The following SLC6A12 variants were observed in gnomAD, a reference collection of about 807,000 sequenced individuals.
SLC6A12 encodes solute carrier family 6 member 12.
Under a neutral mutation model 73.3 loss-of-function variants are expected in SLC6A12, and 50 were observed. The ratio of observed to expected loss-of-function variants is 0.68; its 90% CI spans 0.54 to 0.86. The LOEUF (loss-of-function observed/expected upper bound fraction) is 0.86. Among genes scored for constraint, SLC6A12 ranks in the 40% least tolerant of loss-of-function variants. The probability of loss-of-function intolerance (pLI) is 0.00; values close to 1 mark genes in which losing one functional copy is unlikely to be tolerated. For missense variants in SLC6A12, 648 were observed against 772.8 expected, an observed-to-expected ratio of 0.84 and a Z score of 1.92; for synonymous variants, 304 against 309.2, an observed-to-expected ratio of 0.98 and a Z score of 0.18.
chr12:199,106 T>C (rs1050712291), intron 7 of SLC6A12, 175 bp from the exon 8 acceptor site: 1 of 358,744 alleles, frequency 2.8e-6, no homozygotes, highest in East Asian at 7.2e-5. Context: ...AGTGGGTCTG[T>C]GCTCCCCCCA....
chr12:198,119 C>G lies in SLC6A12; in HGVS notation c.847-116G>C. The G allele has an allele frequency of 1.3e-6, 1 of 741,028 alleles. No homozygotes were observed. The highest frequency in any genetic ancestry group is 2.3e-6 in the Non-Finnish European group (1 of 434,040). 45.9% of individuals were successfully genotyped at this position (741,028 alleles called of 1,614,324 possible). On this transcript the variant is annotated intron_variant, in intron 8 of 15. Transcript: ENST00000684302. This position sits in a 1 kb window ranked among gnomAD's most constrained non-coding sequence, Gnocchi z 4.0. The stretch of plus-strand genomic sequence containing the variant: ...GCCTGGCCCCTCAGTGCTCCCTGAG[C>G]GCTTCCCTCCTGCATCCCAACTCTC...
chr12:210,118 G>A (rs184335413), intron 2 of SLC6A12, 75 bp from the exon 3 acceptor site: 1,503 of 1,443,130 alleles, frequency 1.0e-3, no homozygotes, highest in Admixed American at 1.8e-3. Flanking sequence ...CCCGATCTCC[G>A]CTGTCAGCAT....
At chr12:206,975 G>A (rs1047289130) in intron 3 of SLC6A12, among the ~76,000 whole-genome samples, 5 of 152,354 alleles carry the variant, frequency 3.3e-5, no homozygotes, top group African/African-American at 7.2e-5. Context: ...CACAGAAGAC[G>A]GGGTGACTTC....
chr12:197,339 C>T, intron 10 of SLC6A12, 38 bp downstream of exon 10: 3 of 1,591,160 alleles, frequency 1.9e-6, no homozygotes, highest in Non-Finnish European at 2.6e-6. Flanking sequence ...CTCTGACTCT[C>T]CTTCCCCTCA....
chr12:210,268 G>C (rs1346755027), intron 2 of SLC6A12: 6 of 1,146,770 alleles, frequency 5.2e-6, no homozygotes, highest in Non-Finnish European at 6.9e-6. Context: ...ATTCACCCAA[G>C]ACCACTCAGG....
chr12:184,930 C>CAA, the SLC6A12 span, among the ~76,000 whole-genome samples: 2,464 of 135,068 alleles, frequency 0.018, 44 homozygotes, highest in Middle Eastern at 0.088. Flanking sequence ...GAAACTGTCT[C>CAA]AAAAAAAAAA....
chr12:187,597 A>AGAGC (rs1565461291), downstream of SLC6A12, among the ~76,000 whole-genome samples: 5 of 6,664 alleles, frequency 7.5e-4, no homozygotes, highest in African/African-American at 1.1e-3. Context: ...AGCAAAAAAA[A>AGAGC]AAAAAAAAAA....
rs145080460 is a variant in SLC6A12 at position 196,172 on chromosome 12, G to A, written c.1278C>T (p.Leu426=). 6.2e-5 allele frequency: 98 copies of A among 1,577,780 alleles called. No homozygotes were observed. Among genetic ancestry groups the A allele is most frequent in the Non-Finnish European group, 7.8e-5 (91 of 1,162,324 alleles). ...TCAGGTAGCACATGACGGCGATGGT[G>A]AGGATGAGGAGCTCGCGCCGCCCGC... ...RKSGRRELLI[L]TIAVMCYLIG... The change falls in exon 12 of 16, where the codon CTC becomes CTT. Residue 426 remains leucine, a synonymous_variant. Coordinates refer to ENST00000684302, the MANE Select transcript of SLC6A12 (RefSeq NM_001122848.3).
Position 202,960 on chromosome 12 carries a change from G to A in SLC6A12, c.350-80C>T, listed in dbSNP as rs1940358691. 4 of 1,316,568 alleles carry A rather than the reference G, an allele frequency of 3.0e-6. No individual in the cohort carries two copies. The African/African-American group carries it at 5.8e-5, about 19-fold the overall frequency. The allele number at this position is 1,316,568 out of a possible 1,614,324, so 81.6% of individuals were successfully genotyped here. ...AAGTCACATAGAAGCTGCCAGTTGA[G>A]GTTACAAGGGTATTGGGTGCTACAC... On this transcript the variant is annotated intron_variant, in intron 4 of 15. Transcript: ENST00000684302.
chr12:196,131 A>G lies in SLC6A12; in HGVS notation c.1319T>C (p.Val440Ala), dbSNP rs1344766975. Residue 440 changes from valine to alanine, a missense_variant, in exon 12 of 16, where the codon GTC (valine) becomes GCC (alanine). Transcript: ENST00000684302. ...VMCYLIGLFL[V>A]TEGGMYIFQL... ...CCGGCGGCCGCAGCTCACCTCGGTG[A>G]CCAGGAAAAGCCCTATCAGGTAGCA... 1.3e-6 allele frequency: 2 copies of G among 1,559,632 alleles called. No homozygotes were observed. Among genetic ancestry groups the G allele is most frequent in the Non-Finnish European group, 8.7e-7 (1 of 1,151,470 alleles).
rs1478367299 is a variant in SLC6A12 at position 190,135 on chromosome 12, A to T, written c.*933T>A. 1 of 152,300 alleles carries T rather than the reference A, an allele frequency of 6.6e-6. No individual in the cohort carries two copies. The highest frequency in any genetic ancestry group is 2.4e-5 in the African/African-American group (1 of 41,466). 9.4% of individuals were successfully genotyped at this position (152,300 alleles called of 1,614,324 possible). ...TAAGGCAGGGGGTTAATGGGAAGAC[A>T]CTGGCCTGAGCACAAGGAGATAAGG... On this transcript the variant is annotated 3_prime_UTR_variant, in exon 16 of 16. Transcript: ENST00000684302.
Position 191,219 on chromosome 12 carries a change from G to A in SLC6A12, c.1702-8C>T. The A allele has an allele frequency of 7.9e-7, 1 of 1,263,226 alleles. No homozygotes were observed. Among genetic ancestry groups the A allele is most frequent in the East Asian group, 3.1e-5 (1 of 32,112 alleles). 78.3% of individuals were successfully genotyped at this position (1,263,226 alleles called of 1,614,324 possible). Reference sequence around the variant, plus strand: ...GATGAGCTGACGCAGACGCTGTGGAGAGAAGAGGCAGGGATTTGGAGCTGA... The same window carrying A: ...GATGAGCTGACGCAGACGCTGTGGAAAGAAGAGGCAGGGATTTGGAGCTGA... On this transcript the variant is annotated splice_polypyrimidine_tract_variant and splice_region_variant and intron_variant, in intron 15 of 15. Transcript: ENST00000684302.
In SLC6A12 at chr12:200,638, C is replaced by G. The variant is rs777778131; in HGVS notation, c.711+13G>C. 11 of 1,613,088 alleles carry G rather than the reference C, an allele frequency of 6.8e-6. No individual in the cohort carries two copies. The highest frequency in any genetic ancestry group is 8.5e-7 in the Non-Finnish European group (1 of 1,179,480). ...GGGCCAAAGGGAGCTTCCCAGGAGG[C>G]AGGACATCTCACCTTGCCTGTGGAC... On this transcript the variant is annotated intron_variant, in intron 7 of 15. Coordinates refer to ENST00000684302, the MANE Select transcript of SLC6A12 (RefSeq NM_001122848.3).
At position 197,910 on chromosome 12, in the gene SLC6A12, T is replaced by C; in HGVS notation, c.940A>G (p.Asn314Asp). 7 of 1,611,102 alleles carry C rather than the reference T, an allele frequency of 4.3e-6. No individual in the cohort carries two copies. The highest frequency in any genetic ancestry group is 5.9e-6 in the Non-Finnish European group (7 of 1,178,134). The change falls in exon 9 of 16, where the codon AAC becomes GAC. Residue 314 changes from asparagine to aspartate, a missense_variant. Asn to Asp is a conservative substitution (Grantham distance 23, BLOSUM62 1). Transcript: ENST00000684302. ...CCACGCTGTTCTCACTTGTAGCAGT[T>C]GTTGTGATACTTGTTGTAGCTGCCC... The part of the protein sequence containing the change: ...ALGSYNKYHN[N>D]CYKDCIALCF...
At chr12:208,849 C>T (rs562907417) in intron 3 of SLC6A12, among the ~76,000 whole-genome samples, 36 of 152,280 alleles carry the variant, frequency 2.4e-4, no homozygotes, top group African/African-American at 7.9e-4. Context: ...GGCCCCTCCC[C>T]ACCACTGCTA....
intron 9 of SLC6A12, 141 bp downstream of exon 9, chr12:197,759 G>A: frequency 1.5e-6 from 1 of 673,748 alleles, no homozygotes; most frequent in Admixed American, 3.0e-5. Context: ...ATTTAGTCTG[G>A]GAAAGGAACC....
At chr12:194,428 T>C (rs973447510) in intron 13 of SLC6A12, among the ~76,000 whole-genome samples, 58 of 152,224 alleles carry the variant, frequency 3.8e-4, no homozygotes, top group African/African-American at 1.4e-3. Context: ...CTTGTGACAT[T>C]GGCACTGGGT....
chr12:187,159 G>A (rs1361536680), downstream of SLC6A12, among the ~76,000 whole-genome samples: 1 of 152,176 alleles, frequency 6.6e-6, no homozygotes, highest in South Asian at 2.1e-4. Flanking sequence ...AATTGTAGCT[G>A]CCAGATTTGG....
Position 200,670 on chromosome 12 carries a change from C to A in SLC6A12, c.692G>T (p.Gly231Val). 6.2e-7 allele frequency: 1 copy of A among 1,614,112 alleles called. No homozygotes were observed. The highest frequency in any genetic ancestry group is 8.5e-7 in the Non-Finnish European group (1 of 1,180,010). The change falls in exon 7 of 16, where the codon GGG becomes GTG. Residue 231 changes from glycine (G) to valine (V), a missense_variant. Physicochemically the swap from Gly to Val is moderately radical, Grantham distance 109. Coordinates refer to ENST00000684302, the MANE Select transcript of SLC6A12 (RefSeq NM_001122848.3). ...WVICYFCIWK[G>V]VKSTGKVVYF... ...TCTCACCTTGCCTGTGGACTTGACCCCCTTCCAGATGCAGAAATAGCAGAT... is the reference window on the plus strand; with the variant it reads ...TCTCACCTTGCCTGTGGACTTGACCACCTTCCAGATGCAGAAATAGCAGAT...
Sources: gnomAD v4.1 joint callset for allele counts (sites outside exome capture counted in the v4.1 genomes callset) on GRCh38, gnomAD v4.1.1 for gene constraint, Gnocchi (gnomAD v3.1) non-coding constraint, MANE v1.5 for transcripts, NCBI Gene and HGNC (gene_info 2026-07-23, HGNC 2026-07-21) for gene names.